The following VPS13A variants were observed in gnomAD, a reference collection of about 807,000 sequenced individuals.
VPS13A encodes the protein intermembrane lipid transfer protein VPS13A.
In VPS13A, 264 loss-of-function variants were observed where a neutral mutation model predicts 390.9. That is an observed-to-expected ratio of 0.68 (90% CI 0.61 to 0.75). The LOEUF is 0.75. Among genes scored for constraint, VPS13A ranks in the 30% least tolerant of loss-of-function variants. The probability of loss-of-function intolerance (pLI) is 0.00; values close to 1 mark genes in which losing one functional copy is unlikely to be tolerated. For missense variants in VPS13A, 3,409 were observed against 3,733.9 expected (o/e 0.91, Z 2.27); for synonymous variants, 1,231 against 1,227.1 (o/e 1.00, Z -0.07).
Position 77,250,127 on chromosome 9 carries a change from G to C in VPS13A, c.2068G>C (p.Asp690His). The C allele has an allele frequency of 1.2e-6, 2 of 1,613,878 alleles. No homozygotes were observed. Among genetic ancestry groups the C allele is most frequent in the Non-Finnish European group, 1.7e-6 (2 of 1,179,916 alleles). ...GAGTAAAAGTCGTTCTGAATTACCA[G>C]ATGTGAAACAAGGTGAGGCCAATCT... ...VTSKSRSELP[D>H]VKQGEANLKE... Residue 690 changes from aspartate to histidine, a missense_variant, in exon 21 of 72, where the codon GAT becomes CAT. Transcript: ENST00000360280.
intron 67 of VPS13A, among the ~76,000 whole-genome samples, chr9:77,372,970 T>C (rs1355999807): frequency 1.3e-5 from 2 of 151,900 alleles, no homozygotes; most frequent in Non-Finnish European, 2.9e-5. Flanking sequence ...AAACCACTGC[T>C]CAAGGAAATA....
chr9:77,386,092 T>C (rs2131621350), intron 68 of VPS13A, among the ~76,000 whole-genome samples: 1 of 152,282 alleles, frequency 6.6e-6, no homozygotes, highest in Non-Finnish European at 1.5e-5. Flanking sequence ...TCAATTATTG[T>C]TTTAATCACA....
In VPS13A at chr9:77,353,525, T is replaced by C; in HGVS notation, c.7536T>C (p.Tyr2512=). 1 of 1,613,512 alleles carries C rather than the reference T, an allele frequency of 6.2e-7. No individual in the cohort carries two copies. Among genetic ancestry groups the C allele is most frequent in the African/African-American group, 1.3e-5 (1 of 75,020 alleles). ...ATCCAAGGGTATTTAAAGTAACATA[T>C]GAAAGTGAGAAAGCAGAGTTAGCAG... is the stretch of plus-strand genomic sequence containing the variant. ...TEDPRVFKVT[Y]ESEKAELAEQ... The change falls in exon 54 of 72, where the codon TAT becomes TAC. Residue 2512 remains tyrosine (Y), a synonymous_variant. Coordinates refer to ENST00000360280, the MANE Select transcript of VPS13A (RefSeq NM_033305.3).
At chr9:77,187,937 G>A (rs1824441663) in intron 1 of VPS13A, among the ~76,000 whole-genome samples, 1 of 152,162 alleles carries the variant, frequency 6.6e-6, no homozygotes, top group Admixed American at 6.5e-5. Flanking sequence ...GATAGAGTTT[G>A]AATACATGTC....
chr9:77,392,440 GT>G (rs1833933226), intron 68 of VPS13A, among the ~76,000 whole-genome samples: 1 of 152,082 alleles, frequency 6.6e-6, no homozygotes, highest in African/African-American at 2.4e-5. Context: ...TTTTACTAGA[GT>G]TATTATTTTT....
chr9:77,255,724 C>T (rs917284328), intron 22 of VPS13A, among the ~76,000 whole-genome samples: 4 of 152,000 alleles, frequency 2.6e-5, no homozygotes, highest in Non-Finnish European at 1.5e-5. Flanking sequence ...CTTCATAATT[C>T]AGTGTTGGTA....
In VPS13A at chr9:77,213,308, C is replaced by T. The variant is rs779916647; in HGVS notation, c.690C>T (p.Asn230=). 1.9e-6 allele frequency: 3 copies of T among 1,612,130 alleles called. No individual in the cohort carries two copies. In the East Asian group the frequency reaches 6.7e-5, roughly 36 times the overall value. Residue 230 remains asparagine (N), a synonymous_variant, in exon 9 of 72, where the codon AAC becomes AAT. Coordinates refer to ENST00000360280, the MANE Select transcript of VPS13A (RefSeq NM_033305.3). ...TGTTTTATCTTAGTGATTATGATAA[C>T]TCCTTGGTAAGTAAATTTTTTCTGT... is the stretch of plus-strand genomic sequence containing the variant. ...SQMFYLSDYD[N]SLDDLKNGIV... is the part of the protein sequence containing the mutation.
intron 53 of VPS13A, among the ~76,000 whole-genome samples, chr9:77,353,070 T>C (rs916454869): frequency 2.0e-5 from 3 of 152,232 alleles, no homozygotes; most frequent in East Asian, 1.9e-4. Context: ...TTAATACATA[T>C]CACATTGCTG....
chr9:77,293,521 T>A lies in VPS13A; in HGVS notation c.3507+13T>A, dbSNP rs751657057. On this transcript the variant is annotated intron_variant, in intron 32 of 71. Coordinates refer to ENST00000360280, the MANE Select transcript of VPS13A (RefSeq NM_033305.3). ...ATATTCTATATTGGTAAGTATTTTA[T>A]TAAATTATTATTTATTTTATACTAA... 2.2e-6 allele frequency: 3 copies of A among 1,366,862 alleles called. No homozygotes were observed. The highest frequency in any genetic ancestry group is 2.9e-6 in the Non-Finnish European group (3 of 1,025,872). The allele number at this position is 1,366,862 out of a possible 1,614,324, so 84.7% of individuals were successfully genotyped here.
chr9:77,399,141 C>A, intron 68 of VPS13A, among the ~76,000 whole-genome samples: 1 of 119,042 alleles, frequency 8.4e-6, no homozygotes, highest in Non-Finnish European at 1.6e-5. Context: ...ACAATGTGCA[C>A]ATGTACCCTA....
intron 25 of VPS13A, 142 bp from the exon 26 acceptor site, chr9:77,275,923 G>T: frequency 1.1e-6 from 1 of 893,072 alleles, no homozygotes; most frequent in Non-Finnish European, 1.7e-6. Flanking sequence ...TTGTATGTCT[G>T]TGTGGGTATA....
In VPS13A at chr9:77,351,115, A is replaced by G. The variant is rs1421569085; in HGVS notation, c.7290-202A>G. On this transcript the variant is annotated intron_variant, in intron 52 of 71. Coordinates refer to ENST00000360280, the MANE Select transcript of VPS13A (RefSeq NM_033305.3). ...CCTTTATTTCCTAAGTAGAACATGT[A>G]TTTTCTAAGTGGGAAAATAATGAGA... 6 of 550,220 alleles carry G rather than the reference A, an allele frequency of 1.1e-5. No individual in the cohort carries two copies. The Admixed American group carries it at 1.4e-4, about 12-fold the overall frequency. The allele number at this position is 550,220 out of a possible 1,614,324, so 34.1% of individuals were successfully genotyped here.
chr9:77,204,289 ACT>A (rs1040766755), intron 3 of VPS13A, among the ~76,000 whole-genome samples: 2 of 152,046 alleles, frequency 1.3e-5, no homozygotes. Context: ...ATATTTTAAA[ACT>A]CTCTATTACG....
intron 1 of VPS13A, among the ~76,000 whole-genome samples, chr9:77,199,669 A>G (rs1825210147): frequency 6.6e-6 from 1 of 152,166 alleles, no homozygotes; most frequent in Non-Finnish European, 1.5e-5. Flanking sequence ...TGTTAGACTC[A>G]TTTGTATAAT....
chr9:77,374,676 C>T (rs1052367578), intron 67 of VPS13A, among the ~76,000 whole-genome samples: 3 of 152,120 alleles, frequency 2.0e-5, no homozygotes, highest in South Asian at 2.1e-4. Context: ...ATATGCATAT[C>T]CTTTCTCTTC....
rs1014283290 is a variant in VPS13A at position 77,206,322 on chromosome 9, A to G, written c.385+243A>G. ...AGCTTATTATTATTATTAGGTTTAC[A>G]TATTTTTTATATATATATATATACA... On this transcript the variant is annotated intron_variant, in intron 5 of 71. Coordinates refer to ENST00000360280, the MANE Select transcript of VPS13A (RefSeq NM_033305.3). Among the ~76,000 whole-genome samples, 13 of 112,548 alleles carry G rather than the reference A, an allele frequency of 1.2e-4. No individual in the cohort carries two copies. The South Asian group carries it at 3.7e-3, about 32-fold the overall frequency. 73.8% of individuals were successfully genotyped at this position (112,548 alleles called of 152,430 possible).
Position 77,340,480 on chromosome 9 carries a change from A to T in VPS13A, c.6956A>T (p.Asn2319Ile). ...VTFTPFYMIK[N>I]KSKYHISVAE... is the part of the protein sequence containing the mutation. ...TTTACCCCTTTTTATATGATTAAAA[A>T]CAAAAGCAAATACCATATATCAGTG... The change falls in exon 50 of 72, where the codon AAC becomes ATC. Residue 2319 changes from asparagine to isoleucine, a missense_variant. By Grantham distance (149) the Asn-to-Ile change is moderately radical. This residue lies in a region of VPS13A where 2,717 missense variants were observed against 2,917.4 expected (regional missense o/e 0.93). Transcript: ENST00000360280. The T allele has an allele frequency of 6.2e-7, 1 of 1,613,552 alleles. No individual in the cohort carries two copies. Among genetic ancestry groups the T allele is most frequent in the Non-Finnish European group, 8.5e-7 (1 of 1,179,720 alleles).
chr9:77,224,392 G>A (rs1301739431), intron 13 of VPS13A, among the ~76,000 whole-genome samples: 4 of 152,134 alleles, frequency 2.6e-5, no homozygotes, highest in African/African-American at 9.7e-5. Context: ...AAACCCTCTG[G>A]AAAGGATTTG....
chr9:77,240,761 A>T (rs1202247268), intron 19 of VPS13A, among the ~76,000 whole-genome samples: 1 of 152,148 alleles, frequency 6.6e-6, no homozygotes, highest in Non-Finnish European at 1.5e-5. Flanking sequence ...GGCATGAGCC[A>T]CCATGCCCGT....
Sources: gnomAD v4.1 joint callset for allele counts (sites outside exome capture counted in the v4.1 genomes callset) on GRCh38, gnomAD v4.1.1 for gene constraint, gnomAD v4.1.1 regional missense constraint, MANE v1.5 for transcripts, NCBI Gene and HGNC (gene_info 2026-07-23, HGNC 2026-07-21) for gene names.